The following CCDC178 variants were observed in gnomAD, a reference collection of about 807,000 sequenced individuals.
CCDC178 encodes coiled-coil domain containing 178.
A neutral mutation model predicts 117.4 loss-of-function variants in CCDC178; 126 were observed. That is an observed-to-expected ratio of 1.07 (90% CI 0.93 to 1.24). CCDC178 has a LOEUF of 1.24. Among genes scored for constraint, CCDC178 ranks in the 50% most tolerant of loss-of-function variants. CCDC178 has a pLI of 0.00. For synonymous variants in CCDC178, 283 were observed against 313.4 expected (o/e 0.90, Z 1.02); for missense variants, 1,030 against 986.9 (o/e 1.04, Z -0.59).
intron 20 of CCDC178, among the ~76,000 whole-genome samples, chr18:33,133,408 G>T (rs1009959134): frequency 6.6e-6 from 1 of 151,762 alleles, no homozygotes; most frequent in Non-Finnish European, 1.5e-5. Context: ...CCTAACTAGT[G>T]TCCTCTAGGT....
At chr18:33,323,398 TTATC>T (rs2062541787) in intron 11 of CCDC178, 89 bp downstream of exon 11, 1 of 769,848 alleles carries the variant, frequency 1.3e-6, no homozygotes, top group Non-Finnish European at 1.8e-6. Context: ...ATTTTTCTCT[TTATC>T]TAAATTTTCT....
chr18:33,222,977 T>C, intron 18 of CCDC178, 129 bp downstream of exon 18: 1 of 648,950 alleles, frequency 1.5e-6, no homozygotes, highest in Non-Finnish European at 2.6e-6. Flanking sequence ...TGCGCTTTTA[T>C]CCCTAGTCGA....
At chr18:33,394,943 GTA>G (rs61298209) in intron 4 of CCDC178, among the ~76,000 whole-genome samples, 6,532 of 61,096 alleles carry the variant, frequency 0.11, 156 homozygotes, top group East Asian at 0.14. Flanking sequence ...ATATGTATGT[GTA>G]TATATATATA....
intron 6 of CCDC178, among the ~76,000 whole-genome samples, chr18:33,356,675 C>T (rs2144714967): frequency 6.6e-6 from 1 of 152,160 alleles, no homozygotes; most frequent in Non-Finnish European, 1.5e-5. Flanking sequence ...AAAATTAAAA[C>T]AGAAATCTTA....
At chr18:33,349,040 T>C in intron 7 of CCDC178, 65 bp from the exon 8 acceptor site, 1 of 902,628 alleles carries the variant, frequency 1.1e-6, no homozygotes, top group Middle Eastern at 3.1e-4. Context: ...AATTTTAGGT[T>C]ATGCTCTTCT....
intron 12 of CCDC178, among the ~76,000 whole-genome samples, chr18:33,271,483 T>C (rs964862537): frequency 7.9e-5 from 12 of 151,478 alleles, no homozygotes; most frequent in Non-Finnish European, 1.5e-4. Flanking sequence ...TAGATTAATA[T>C]CAGACAAAAT....
chr18:33,185,208 G>A (rs1284179008), intron 20 of CCDC178, among the ~76,000 whole-genome samples: 2 of 151,986 alleles, frequency 1.3e-5, no homozygotes, highest in Non-Finnish European at 2.9e-5. Flanking sequence ...CAATTACTAC[G>A]AGAAAGGGGA....
rs567220827 is a variant in CCDC178, at chr18:33,386,220, A to G, written c.208+3320T>C. 1.0e-3 allele frequency among the ~76,000 whole-genome samples: 155 copies of G among 152,320 alleles called. 1 individual carries two copies. Among genetic ancestry groups the G allele is most frequent in the African/African-American group, 3.6e-3 (151 of 41,578 alleles). On this transcript the variant is annotated intron_variant, in intron 5 of 22. Coordinates refer to ENST00000383096, the MANE Select transcript of CCDC178 (RefSeq NM_001105528.4). ...AAATTGAGGCAGTAATAAATGGCCT[A>G]CCAACTAAAAAAAGGCCCAGATCCA...
rs58400297 is a variant in CCDC178 at position 33,187,086 on chromosome 18, G to GGAGAGAGA, written c.2238+24802_2238+24809dup. Among the ~76,000 whole-genome samples, 1,082 of 140,076 alleles carry GGAGAGAGA rather than the reference G, an allele frequency of 7.7e-3. 3 individuals are homozygous for GGAGAGAGA. The highest frequency in any genetic ancestry group is 0.01 in the Non-Finnish European group (675 of 66,424). 91.9% of individuals were successfully genotyped at this position (140,076 alleles called of 152,430 possible). A position where few individuals can be genotyped will look rare whatever the true frequency, so the allele number is the denominator to read the frequency against. On this transcript the variant is annotated intron_variant, in intron 20 of 22. Transcript: ENST00000383096. The stretch of plus-strand genomic sequence containing the variant: ...ACAAGGCACATCTTACATGGCGGCA[G>GGAGAGAGA]GAGAGAGAGAGAGAGAGAGAGAGAG...
Position 33,393,197 on chromosome 18 carries a change from G to T in CCDC178, c.119-3568C>A, listed in dbSNP as rs954423209. Among the ~76,000 whole-genome samples, 8 of 151,718 alleles carry T rather than the reference G, an allele frequency of 5.3e-5. No individual in the cohort carries two copies. The East Asian group carries it at 7.8e-4, about 15-fold the overall frequency. On this transcript the variant is annotated intron_variant, in intron 4 of 22. Transcript: ENST00000383096. ...TTATACCTATGAGAATATTTCATATGTATGCCTTATTTTATGCTTTAGTGA... is the reference window on the plus strand; with the variant it reads ...TTATACCTATGAGAATATTTCATATTTATGCCTTATTTTATGCTTTAGTGA...
intron 2 of CCDC178, among the ~76,000 whole-genome samples, chr18:33,427,857 C>G (rs1230785981): frequency 2.0e-5 from 3 of 152,120 alleles, no homozygotes; most frequent in Non-Finnish European, 2.9e-5. Flanking sequence ...TAAATTATTT[C>G]CTAGGTCAAT....
chr18:33,171,196 C>G (rs571172022), intron 20 of CCDC178, among the ~76,000 whole-genome samples: 101 of 152,292 alleles, frequency 6.6e-4, no homozygotes, highest in Non-Finnish European at 1.0e-3. Flanking sequence ...TATCTACTTC[C>G]TGAAAGCAAA....
At chr18:33,303,070 G>C (rs934699347) in intron 11 of CCDC178, among the ~76,000 whole-genome samples, 1 of 152,202 alleles carries the variant, frequency 6.6e-6, no homozygotes, top group East Asian at 1.9e-4. Flanking sequence ...CAGTTACCCT[G>C]ATCTAATTAC....
chr18:33,163,798 A>C (rs1347558958), intron 20 of CCDC178, among the ~76,000 whole-genome samples: 1 of 152,226 alleles, frequency 6.6e-6, no homozygotes, highest in Non-Finnish European at 1.5e-5. Flanking sequence ...TTGTTTCAGT[A>C]AGTTTTAGTT....
In CCDC178 at chr18:32,937,808, G is replaced by C; in HGVS notation, c.*203C>G. The stretch of plus-strand genomic sequence containing the variant: ...CCAGAGCTGAAATTAGATCGTTCCT[G>C]ACAGCAGCATGAAAGTCACCTGTTT... On this transcript the variant is annotated 3_prime_UTR_variant, in exon 23 of 23. Coordinates refer to ENST00000383096, the MANE Select transcript of CCDC178 (RefSeq NM_001105528.4). The C allele has an allele frequency of 1.9e-6, 1 of 540,326 alleles. No individual in the cohort carries two copies. Among genetic ancestry groups the C allele is most frequent in the East Asian group, 3.0e-5 (1 of 33,668 alleles). The allele number at this position is 540,326 out of a possible 1,614,324, so 33.5% of individuals were successfully genotyped here.
chr18:33,207,318 T>C (rs995172461), intron 20 of CCDC178, among the ~76,000 whole-genome samples: 3 of 152,100 alleles, frequency 2.0e-5, no homozygotes, highest in African/African-American at 7.2e-5. Flanking sequence ...AATTAAATGT[T>C]TGTAAATTAA....
At chr18:33,282,746 G>A (rs929015399) in intron 12 of CCDC178, among the ~76,000 whole-genome samples, 1 of 152,172 alleles carries the variant, frequency 6.6e-6, no homozygotes, top group Non-Finnish European at 1.5e-5. Flanking sequence ...GCACATGGGA[G>A]TGCAACTGGA....
At chr18:33,125,319 A>G (rs2057990801) in intron 20 of CCDC178, among the ~76,000 whole-genome samples, 1 of 152,196 alleles carries the variant, frequency 6.6e-6, no homozygotes, top group African/African-American at 2.4e-5. Context: ...TAAGAACTAG[A>G]TTTCCAGAAA....
At chr18:33,299,891 T>C (rs1323368085) in intron 11 of CCDC178, among the ~76,000 whole-genome samples, 1 of 151,978 alleles carries the variant, frequency 6.6e-6, no homozygotes, top group Non-Finnish European at 1.5e-5. Flanking sequence ...AACAATGAGG[T>C]ATCATATCAG....
Sources: gnomAD v4.1 joint callset for allele counts (sites outside exome capture counted in the v4.1 genomes callset) on GRCh38, gnomAD v4.1.1 for gene constraint, MANE v1.5 for transcripts, NCBI Gene and HGNC (gene_info 2026-07-23, HGNC 2026-07-21) for gene names.